Variants in RALYL observed in about 807,000 individuals in gnomAD.
The protein encoded by RALYL is RALY RNA binding protein like.
RALYL carries 29 observed loss-of-function variants against 35.1 expected under a neutral mutation model. That is an observed-to-expected ratio of 0.83 (90% CI 0.61 to 1.13). RALYL has a LOEUF of 1.13. Among genes scored for constraint, RALYL ranks in the 50% most tolerant of loss-of-function variants. The pLI, the probability that RALYL is intolerant of heterozygous loss-of-function variation, is 0.00. For missense variants in RALYL, 359 were observed against 360.4 expected (o/e 1.00, Z 0.03); for synonymous variants, 120 against 127.6 (o/e 0.94, Z 0.40).
At chr8:84,502,899 A>G (rs1184547302) in intron 1 of RALYL, among the ~76,000 whole-genome samples, 3 of 145,664 alleles carry the variant, frequency 2.1e-5, no homozygotes, top group African/African-American at 7.5e-5. Flanking sequence ...TGCTTCAATC[A>G]AAGACCCACT....
intron 2 of RALYL, among the ~76,000 whole-genome samples, chr8:84,670,924 C>A (rs1432911541): frequency 1.3e-5 from 2 of 152,166 alleles, no homozygotes; most frequent in Non-Finnish European, 2.9e-5. Context: ...TAACTCATTT[C>A]ATCATTAACT....
At chr8:84,313,385 C>G (rs962813293) in intron 1 of RALYL, among the ~76,000 whole-genome samples, 1 of 152,198 alleles carries the variant, frequency 6.6e-6, no homozygotes, top group African/African-American at 2.4e-5. Context: ...GCACCCAGCT[C>G]GAACTTCTCC....
intron 1 of RALYL, among the ~76,000 whole-genome samples, chr8:84,484,959 T>A (rs1481979424): frequency 2.6e-5 from 4 of 152,204 alleles, no homozygotes; most frequent in African/African-American, 9.6e-5. Flanking sequence ...TCAAGCTCTG[T>A]AACAACTGTT....
intron 1 of RALYL, among the ~76,000 whole-genome samples, chr8:84,194,158 GAC>G (rs1164327123): frequency 1.3e-5 from 2 of 152,318 alleles, no homozygotes; most frequent in Admixed American, 6.5e-5. Context: ...AAGAAAGGAA[GAC>G]ACTGCTGATT....
chr8:84,325,689 C>T (rs1167012674), intron 1 of RALYL, among the ~76,000 whole-genome samples: 3 of 152,176 alleles, frequency 2.0e-5, no homozygotes, highest in African/African-American at 2.4e-5. Context: ...TTTGTTTCCA[C>T]GCTGCCCAGT....
chr8:84,266,626 G>A (rs1028497012), intron 1 of RALYL, among the ~76,000 whole-genome samples: 3 of 152,156 alleles, frequency 2.0e-5, no homozygotes, highest in Admixed American at 6.5e-5. Context: ...GACAGAGATT[G>A]AGAGTTCCTG....
intron 2 of RALYL, among the ~76,000 whole-genome samples, chr8:84,661,079 C>T (rs995795566): frequency 3.3e-5 from 5 of 152,002 alleles, no homozygotes; most frequent in African/African-American, 1.2e-4. Flanking sequence ...CAGGCGCCCC[C>T]CACCATGCCC....
intron 2 of RALYL, among the ~76,000 whole-genome samples, chr8:84,667,945 G>A (rs1005292798): frequency 5.3e-5 from 8 of 152,140 alleles, no homozygotes; most frequent in Non-Finnish European, 5.9e-5. Context: ...CACATAGGCT[G>A]AGGAGTGCAT....
At chr8:84,184,752 G>C (rs1449232870) in intron 1 of RALYL, 1 of 417,446 alleles carries the variant, frequency 2.4e-6, no homozygotes, top group Non-Finnish European at 4.2e-6. Context: ...GGCGGCCGGC[G>C]GGCCCTGTAA....
chr8:84,258,563 G>A lies in RALYL; in HGVS notation c.-24+74139G>A, dbSNP rs140428474. ...CAGTATTTGATTGTATCAAAAAAAG[G>A]CATTCTTTCTATAATTTATGTCTGG... On this transcript the variant is annotated intron_variant, in intron 1 of 8. Transcript: ENST00000521268. Among the ~76,000 whole-genome samples the A allele has an allele frequency of 5.7e-3, 869 of 152,100 alleles. 10 individuals are homozygous for A. Among genetic ancestry groups the A allele is most frequent in the African/African-American group, 0.019 (801 of 41,514 alleles).
intron 1 of RALYL, among the ~76,000 whole-genome samples, chr8:84,502,913 TAA>T (rs11312551): frequency 3.1e-4 from 45 of 144,722 alleles, no homozygotes; most frequent in Admixed American, 8.3e-4. Context: ...ACCCACTCTT[TAA>T]AAAAAAAAAA....
intron 8 of RALYL, among the ~76,000 whole-genome samples, chr8:84,904,218 A>G (rs190011852): frequency 6.6e-6 from 1 of 152,288 alleles, no homozygotes; most frequent in East Asian, 1.9e-4. Flanking sequence ...TTAAATTCAG[A>G]CTTGTCCATT....
At chr8:84,282,736 A>G (rs1836824600) in intron 1 of RALYL, among the ~76,000 whole-genome samples, 1 of 113,116 alleles carries the variant, frequency 8.8e-6, no homozygotes, top group Non-Finnish European at 1.8e-5. Flanking sequence ...ATGTATCTAT[A>G]TATGTGTATG....
chr8:84,299,044 T>C (rs574299056), intron 1 of RALYL, among the ~76,000 whole-genome samples: 1 of 152,130 alleles, frequency 6.6e-6, no homozygotes, highest in Non-Finnish European at 1.5e-5. Context: ...TTGGATGCCT[T>C]TTATTTCTCT....
intron 2 of RALYL, among the ~76,000 whole-genome samples, chr8:84,709,168 G>A (rs1841728463): frequency 6.6e-6 from 1 of 152,066 alleles, no homozygotes; most frequent in Non-Finnish European, 1.5e-5. Context: ...TGTAAGTTTA[G>A]TAGATTGCAC....
intron 1 of RALYL, among the ~76,000 whole-genome samples, chr8:84,375,324 G>T (rs1486165112): frequency 6.6e-6 from 1 of 151,850 alleles, no homozygotes; most frequent in East Asian, 1.9e-4. Context: ...CTAGTTTCCA[G>T]TATGAGCCAA....
intron 1 of RALYL, among the ~76,000 whole-genome samples, chr8:84,213,844 C>T (rs1353769210): frequency 2.6e-5 from 4 of 152,212 alleles, no homozygotes; most frequent in South Asian, 2.1e-4. Flanking sequence ...TATGCAATAA[C>T]GATCAATCTA....
At position 84,503,115 on chromosome 8, in the gene RALYL, T is replaced by A. The variant is rs555177113; in HGVS notation, c.-23-26184T>A. ...GCAAAATCTATGTGAGTTTTTAATATGTAAAAAGGCAAAAAGGGCCTCACT... is the reference window on the plus strand; with the variant it reads ...GCAAAATCTATGTGAGTTTTTAATAAGTAAAAAGGCAAAAAGGGCCTCACT... On this transcript the variant is annotated intron_variant, in intron 1 of 8. Coordinates refer to ENST00000521268, the MANE Select transcript of RALYL (RefSeq NM_173848.7). Among the ~76,000 whole-genome samples the A allele has an allele frequency of 4.6e-5, 7 of 152,026 alleles. No individual in the cohort carries two copies. The South Asian group carries it at 1.0e-3, about 22-fold the overall frequency.
At chr8:84,660,837 G>C (rs981612392) in intron 2 of RALYL, among the ~76,000 whole-genome samples, 3 of 152,058 alleles carry the variant, frequency 2.0e-5, no homozygotes, top group Non-Finnish European at 2.9e-5. Context: ...AATTTGAAAA[G>C]AAAGTTTGGA....
Sources: allele counts gnomAD v4.1 joint callset (sites outside exome capture counted in the v4.1 genomes callset), GRCh38; gene constraint gnomAD v4.1.1; transcripts MANE v1.5; gene names NCBI Gene and HGNC (gene_info 2026-07-23, HGNC 2026-07-21).